KIF23: variants seen among roughly 807,000 people sequenced by gnomAD.
KIF23 encodes kinesin-like protein KIF23.
A neutral mutation model predicts 137.5 loss-of-function variants in KIF23; 30 were observed. The observed-to-expected ratio is 0.22, with a 90% CI of 0.16 to 0.30. The LOEUF (loss-of-function observed/expected upper bound fraction) is 0.30, where lower values mean the gene tolerates loss of function less well. Among genes scored for constraint, KIF23 ranks in the 10% least tolerant of loss-of-function variants. The probability of loss-of-function intolerance (pLI) is 1.00; values close to 1 mark genes in which losing one functional copy is unlikely to be tolerated. For synonymous variants in KIF23, 367 were observed against 391.1 expected (o/e 0.94, Z 0.73); for missense variants, 920 against 1,194.3 (o/e 0.77, Z 3.38).
chr15:69,441,187 AAAG>A, intron 19 of KIF23, 108 bp downstream of exon 19: 1 of 964,986 alleles, frequency 1.0e-6, no homozygotes, highest in Non-Finnish European at 1.5e-6. Context: ...GCTATAGTAT[AAAG>A]AAGGTCTAAT....
At chr15:69,419,066 G>A (rs761358154) in intron 3 of KIF23, among the ~76,000 whole-genome samples, 2 of 152,132 alleles carry the variant, frequency 1.3e-5, no homozygotes, top group African/African-American at 4.8e-5. Context: ...GCAGTGAGCC[G>A]AGATCGCGCC....
chr15:69,422,505 A>G lies in KIF23; in HGVS notation c.563+70A>G, dbSNP rs528697940. The G allele has an allele frequency of 1.3e-5, 11 of 854,522 alleles. No homozygotes were observed. In the Admixed American group the frequency reaches 1.4e-4, roughly 11 times the overall value. The allele number at this position is 854,522 out of a possible 1,614,324, so 52.9% of individuals were successfully genotyped here. ...ATTCTTTCCTGTGGTTTGCCCAGAC[A>G]TGAGGAATGGTGAACATTAAATAGA... is the stretch of plus-strand genomic sequence containing the variant. On this transcript the variant is annotated intron_variant, in intron 6 of 23. Transcript: ENST00000679126.
intron 11 of KIF23, 65 bp downstream of exon 11, chr15:69,429,278 T>G: frequency 1.9e-6 from 2 of 1,076,356 alleles, no homozygotes; most frequent in Non-Finnish European, 2.8e-6. Flanking sequence ...CAGTTTATTA[T>G]CTACTTATCA....
At position 69,447,329 on chromosome 15, in the gene KIF23, T is replaced by C. The variant is rs575760465; in HGVS notation, c.2909+388T>C. Among the ~76,000 whole-genome samples, 9 of 152,308 alleles carry C rather than the reference T, an allele frequency of 5.9e-5. No homozygotes were observed. In the East Asian group the frequency reaches 1.7e-3, roughly 29 times the overall value. On this transcript the variant is annotated intron_variant, in intron 23 of 23. Coordinates refer to ENST00000679126, the MANE Select transcript of KIF23 (RefSeq NM_001367805.3). ...TTCCTGACTTGCTTCTTGGTCTTGG[T>C]GTAGCAATAGGTGTTCACTAAAATA...
chr15:69,430,875 T>G (rs1567067818), intron 11 of KIF23, among the ~76,000 whole-genome samples: 2 of 152,094 alleles, frequency 1.3e-5, no homozygotes. Flanking sequence ...GGAAATAGGT[T>G]TGGGAAGGTT....
chr15:69,441,754 A>G (rs1454913118), intron 19 of KIF23, among the ~76,000 whole-genome samples: 1 of 152,000 alleles, frequency 6.6e-6, no homozygotes, highest in Non-Finnish European at 1.5e-5. Context: ...CAGTTGTCCC[A>G]AAATTGGATT....
intron 13 of KIF23, 64 bp downstream of exon 13, chr15:69,435,835 G>T: frequency 6.4e-7 from 1 of 1,558,642 alleles, no homozygotes; most frequent in South Asian, 1.2e-5. Context: ...TTACTTGGAT[G>T]AGCAGAATGA....
In KIF23 at chr15:69,438,382, A is replaced by G. The variant is rs753613580; in HGVS notation, c.1732A>G (p.Lys578Glu). ...ATTGGAAATAGAACGACTGGAAAAG[A>G]AAAACAAAACTTTAGAATATAAGGT... ...QKLEIERLEK[K>E]NKTLEYKIEI... Residue 578 changes from lysine (K) to glutamate (E), a missense_variant, in exon 16 of 24, where the codon AAA (lysine) becomes GAA (glutamate). Physicochemically the swap from Lys to Glu is moderately conservative, Grantham distance 56 (BLOSUM62 1). Coordinates refer to ENST00000679126, the MANE Select transcript of KIF23 (RefSeq NM_001367805.3). 2 of 1,607,308 alleles carry G rather than the reference A, an allele frequency of 1.2e-6. No homozygotes were observed. The highest frequency in any genetic ancestry group is 2.7e-5 in the African/African-American group (2 of 74,274).
In KIF23 at chr15:69,422,362, C is replaced by G; in HGVS notation, c.490C>G (p.Gln164Glu). 1 of 1,608,330 alleles carries G rather than the reference C, an allele frequency of 6.2e-7. No individual in the cohort carries two copies. Among genetic ancestry groups the G allele is most frequent in the Non-Finnish European group, 8.5e-7 (1 of 1,175,798 alleles). Residue 164 changes from glutamine to glutamate, a missense_variant, in exon 6 of 24, where the codon CAG becomes GAG. Gln to Glu is a conservative substitution (Grantham distance 29). Around this residue, in one of 4 missense-constraint regions of KIF23, gnomAD observed 714 missense variants for 866.2 expected, o/e 0.82. Coordinates refer to ENST00000679126, the MANE Select transcript of KIF23 (RefSeq NM_001367805.3). ...KSNDRNSMDI[Q>E]CEVDALLERQ... The stretch of plus-strand genomic sequence containing the variant: ...TAATGATAGGAATAGTATGGATATA[C>G]AGTGTGAGGTTGATGCCTTATTAGA...
Position 69,425,246 on chromosome 15 carries a change from G to A in KIF23, c.735-36G>A, listed in dbSNP as rs1245391445. 2.6e-6 allele frequency: 4 copies of A among 1,522,606 alleles called. No homozygotes were observed. In the East Asian group the frequency reaches 7.3e-5, roughly 28 times the overall value. The allele number at this position is 1,522,606 out of a possible 1,614,324, so 94.3% of individuals were successfully genotyped here. A position where few individuals can be genotyped will look rare whatever the true frequency, so the allele number is the denominator to read the frequency against. ...AACATGTTGGTGTGAGATGGCTGCT[G>A]TAGAAACAGTAACTTCTACCTTATT... On this transcript the variant is annotated intron_variant, in intron 7 of 23. Coordinates refer to ENST00000679126, the MANE Select transcript of KIF23 (RefSeq NM_001367805.3).
chr15:69,430,306 A>AT (rs2140356764), intron 11 of KIF23, among the ~76,000 whole-genome samples: 1 of 152,326 alleles, frequency 6.6e-6, no homozygotes, highest in African/African-American at 2.4e-5. Flanking sequence ...AGATGTATGC[A>AT]GTGTGATCAA....
chr15:69,436,506 T>C (rs1189508906), intron 14 of KIF23, 58 bp from the exon 15 acceptor site: 4 of 1,467,802 alleles, frequency 2.7e-6, no homozygotes, highest in Middle Eastern at 3.6e-4. Context: ...TTAAACTTGT[T>C]TAAATAAGCT....
intron 11 of KIF23, among the ~76,000 whole-genome samples, chr15:69,431,596 A>G (rs2057356930): frequency 6.7e-6 from 1 of 148,412 alleles, no homozygotes; most frequent in Non-Finnish European, 1.5e-5. Flanking sequence ...CCTGGGCGAC[A>G]GAGCGAGACT....
chr15:69,418,143 T>A (rs2056965342), intron 3 of KIF23, among the ~76,000 whole-genome samples: 1 of 152,226 alleles, frequency 6.6e-6, no homozygotes, highest in South Asian at 2.1e-4. Flanking sequence ...CATTTCTACT[T>A]CTAGCTGTCA....
intron 3 of KIF23, 39 bp from the exon 4 acceptor site, chr15:69,421,608 G>T: frequency 8.0e-7 from 1 of 1,247,416 alleles, no homozygotes; most frequent in Non-Finnish European, 1.2e-6. Context: ...CTAGATAATA[G>T]TGGAATTCTA....
chr15:69,439,229 T>C (rs981558432), intron 16 of KIF23, among the ~76,000 whole-genome samples: 1 of 152,224 alleles, frequency 6.6e-6, no homozygotes, highest in African/African-American at 2.4e-5. Flanking sequence ...AAGGATGTTC[T>C]CTGACCCAAA....
In KIF23 at chr15:69,414,404, C is replaced by G; in HGVS notation, c.-62C>G. 1 of 1,560,694 alleles carries G rather than the reference C, an allele frequency of 6.4e-7. No individual in the cohort carries two copies. The highest frequency in any genetic ancestry group is 8.7e-7 in the Non-Finnish European group (1 of 1,152,600). On this transcript the variant is annotated 5_prime_UTR_variant, in exon 1 of 24. Coordinates refer to ENST00000679126, the MANE Select transcript of KIF23 (RefSeq NM_001367805.3). ...TAGTTCTTGCTGCCGGTCCTAACGTCCCGCAGTCTTCGCCAGCCAGCCGTC... is the reference window on the plus strand; with the variant it reads ...TAGTTCTTGCTGCCGGTCCTAACGTGCCGCAGTCTTCGCCAGCCAGCCGTC...
In KIF23 at chr15:69,444,253, A is replaced by G. The variant is rs1275894045; in HGVS notation, c.2422-537A>G. 1.3e-5 allele frequency: 2 copies of G among 152,594 alleles called. No individual in the cohort carries two copies. The highest frequency in any genetic ancestry group is 1.9e-4 in the East Asian group (1 of 5,200). The allele number at this position is 152,594 out of a possible 1,614,324, so 9.5% of individuals were successfully genotyped here. On this transcript the variant is annotated intron_variant, in intron 19 of 23. Transcript: ENST00000679126. This position sits in a 1 kb window ranked among gnomAD's most constrained non-coding sequence, Gnocchi z 4.2. ...GTATTTGAACTTTTCATGAAGTTCT[A>G]TTATGAGATTTTAAAATCTTAACTG...
chr15:69,436,000 G>A (rs1167303924), intron 13 of KIF23, 138 bp from the exon 14 acceptor site: 26 of 1,223,338 alleles, frequency 2.1e-5, no homozygotes, highest in Middle Eastern at 2.7e-4. Context: ...GCAGTGAGTC[G>A]TGTTCATGCC....
Sources: gnomAD v4.1 joint callset for allele counts (sites outside exome capture counted in the v4.1 genomes callset) on GRCh38, gnomAD v4.1.1 for gene constraint, gnomAD v4.1.1 regional missense constraint, Gnocchi (gnomAD v3.1) non-coding constraint, MANE v1.5 for transcripts, NCBI Gene and HGNC (gene_info 2026-07-23, HGNC 2026-07-21) for gene names.